The following LRMDA variants were observed in gnomAD, a reference collection of about 807,000 sequenced individuals.
The protein encoded by LRMDA is leucine-rich melanocyte differentiation-associated protein.
Under a neutral mutation model 29.8 loss-of-function variants are expected in LRMDA, and 18 were observed. The ratio of observed to expected loss-of-function variants is 0.60; its 90% CI spans 0.42 to 0.90. The LOEUF (loss-of-function observed/expected upper bound fraction) is 0.90, where lower values mean the gene tolerates loss of function less well. Among genes scored for constraint, LRMDA ranks in the 40% least tolerant of loss-of-function variants. LRMDA has a pLI of 0.00. For missense variants in LRMDA, 273 were observed against 273.9 expected, an observed-to-expected ratio of 1.00 and a Z score of 0.02; for synonymous variants, 125 against 109.4, an observed-to-expected ratio of 1.14 and a Z score of -0.89.
intron 2 of LRMDA, among the ~76,000 whole-genome samples, chr10:75,736,743 A>G (rs972993608): frequency 6.6e-6 from 1 of 152,136 alleles, no homozygotes; most frequent in Non-Finnish European, 1.5e-5. Context: ...CTATCTATAT[A>G]TTTTTTTATG....
intron 5 of LRMDA, among the ~76,000 whole-genome samples, chr10:76,276,039 ATCTATCTATCTATC>A (rs888846029): frequency 4.7e-5 from 7 of 147,748 alleles, no homozygotes; most frequent in Non-Finnish European, 7.4e-5. Context: ...CTATCTATCT[ATCTATCTATCTATC>A]TCTTTCTTTC....
At chr10:75,648,250 G>C (rs1160814556) in intron 2 of LRMDA, among the ~76,000 whole-genome samples, 1 of 152,182 alleles carries the variant, frequency 6.6e-6, no homozygotes, top group Non-Finnish European at 1.5e-5. Context: ...ATCATGGTGA[G>C]TGGCCAAGCT....
chr10:75,534,590 T>A (rs1564794649), intron 2 of LRMDA, among the ~76,000 whole-genome samples: 1 of 152,344 alleles, frequency 6.6e-6, no homozygotes, highest in East Asian at 1.9e-4. Flanking sequence ...TTCCAAAATG[T>A]TCTTGGCAGG....
At chr10:75,774,967 G>C (rs1431580731) in intron 2 of LRMDA, among the ~76,000 whole-genome samples, 1 of 152,204 alleles carries the variant, frequency 6.6e-6, no homozygotes, top group African/African-American at 2.4e-5. Flanking sequence ...GGAGGTGTGG[G>C]GGAGGATCCC....
At chr10:75,859,334 A>G (rs569566280) in intron 2 of LRMDA, among the ~76,000 whole-genome samples, 1 of 152,192 alleles carries the variant, frequency 6.6e-6, no homozygotes, top group South Asian at 2.1e-4. Flanking sequence ...CCTCCCGGTG[A>G]TTTATGGAAA....
chr10:76,102,898 C>T (rs560779872), intron 5 of LRMDA, among the ~76,000 whole-genome samples: 216 of 152,290 alleles, frequency 1.4e-3, no homozygotes, highest in African/African-American at 4.7e-3. Context: ...GCAGTCCTCC[C>T]GCCTTGGCCT....
At chr10:75,600,017 A>G (rs1840861305) in intron 2 of LRMDA, among the ~76,000 whole-genome samples, 1 of 152,202 alleles carries the variant, frequency 6.6e-6, no homozygotes, top group Non-Finnish European at 1.5e-5. Flanking sequence ...AAGCAAGAAT[A>G]AGTATAACCC....
intron 6 of LRMDA, among the ~76,000 whole-genome samples, chr10:76,380,695 G>T (rs1249299445): frequency 6.7e-6 from 1 of 148,434 alleles, no homozygotes; most frequent in Non-Finnish European, 1.5e-5. Flanking sequence ...AAAAAAAGAG[G>T]AATATACATA....
intron 5 of LRMDA, among the ~76,000 whole-genome samples, chr10:76,060,591 T>C (rs562300705): frequency 4.8e-4 from 73 of 152,308 alleles, no homozygotes; most frequent in Non-Finnish European, 9.6e-4. Flanking sequence ...CTCTCTCTGC[T>C]TTCTCACCCC....
chr10:75,550,037 T>C (rs988517029), intron 2 of LRMDA, among the ~76,000 whole-genome samples: 3 of 152,222 alleles, frequency 2.0e-5, no homozygotes, highest in African/African-American at 7.2e-5. Context: ...TCTTGACACA[T>C]TCACCATTTG....
chr10:75,989,536 C>G (rs1190629649), intron 2 of LRMDA, among the ~76,000 whole-genome samples: 3 of 152,210 alleles, frequency 2.0e-5, no homozygotes, highest in Non-Finnish European at 4.4e-5. Context: ...AGGCCCATCT[C>G]CAATGTTGGG....
chr10:76,471,745 A>C lies in LRMDA; in HGVS notation c.602-85464A>C, dbSNP rs144464433. ...AATTGAAAAGATGTATCATGCAAACAACAACAATAAGAAAATTGGAGTGGC... is the reference window on the plus strand; with the variant it reads ...AATTGAAAAGATGTATCATGCAAACCACAACAATAAGAAAATTGGAGTGGC... On this transcript the variant is annotated intron_variant, in intron 6 of 6. Transcript: ENST00000611255. Among the ~76,000 whole-genome samples the C allele has an allele frequency of 5.3e-5, 8 of 151,878 alleles. No homozygotes were observed. The East Asian group carries it at 1.4e-3, about 26-fold the overall frequency.
intron 2 of LRMDA, among the ~76,000 whole-genome samples, chr10:75,841,714 G>A (rs190316023): frequency 9.8e-4 from 150 of 152,296 alleles, no homozygotes; most frequent in African/African-American, 3.3e-3. Context: ...GTTGGCTTTG[G>A]CACTTTTTGG....
At chr10:75,587,825 C>A (rs1198300506) in intron 2 of LRMDA, among the ~76,000 whole-genome samples, 1 of 152,218 alleles carries the variant, frequency 6.6e-6, no homozygotes, top group East Asian at 1.9e-4. Context: ...GATCCCTGGT[C>A]CAATCAGCCA....
intron 4 of LRMDA, 149 bp downstream of exon 4, chr10:76,047,452 A>G (rs954680057): frequency 1.8e-5 from 14 of 786,352 alleles, no homozygotes; most frequent in Non-Finnish European, 2.4e-5. Context: ...TTGGTAACCT[A>G]TAGCCATTGT....
intron 2 of LRMDA, among the ~76,000 whole-genome samples, chr10:75,781,170 A>G (rs1843378233): frequency 6.6e-6 from 1 of 152,032 alleles, no homozygotes; most frequent in Admixed American, 6.5e-5. Flanking sequence ...TGGCCTTTGT[A>G]TTTAACTTAT....
chr10:76,378,799 A>G (rs1389029118), intron 6 of LRMDA, among the ~76,000 whole-genome samples: 1 of 149,686 alleles, frequency 6.7e-6, no homozygotes, highest in African/African-American at 2.5e-5. Flanking sequence ...GGATTTTTGC[A>G]TCTATGTACA....
chr10:75,822,792 G>A (rs1844184329), intron 2 of LRMDA, among the ~76,000 whole-genome samples: 1 of 152,058 alleles, frequency 6.6e-6, no homozygotes, highest in Non-Finnish European at 1.5e-5. Flanking sequence ...ACTGGTGAGA[G>A]CTCAATGTAG....
intron 5 of LRMDA, among the ~76,000 whole-genome samples, chr10:76,234,515 G>C (rs1485747117): frequency 1.3e-5 from 2 of 152,148 alleles, no homozygotes; most frequent in African/African-American, 2.4e-5. Flanking sequence ...TTGAAGCCAG[G>C]CATTGACTTC....
Sources: allele counts gnomAD v4.1 joint callset (sites outside exome capture counted in the v4.1 genomes callset), GRCh38; gene constraint gnomAD v4.1.1; transcripts MANE v1.5; gene names NCBI Gene and HGNC (gene_info 2026-07-23, HGNC 2026-07-21).